Variants in MPDZ observed in about 807,000 individuals in gnomAD.
The protein encoded by MPDZ is multiple PDZ domain protein.
MPDZ carries 234 observed loss-of-function variants against 239.1 expected under a neutral mutation model. That is an observed-to-expected ratio of 0.98 (90% confidence interval 0.88 to 1.09). MPDZ has a LOEUF of 1.09. Among genes scored for constraint, MPDZ ranks in the 50% least tolerant of loss-of-function variants. The pLI, the probability that MPDZ is intolerant of heterozygous loss-of-function variation, is 0.00. For synonymous variants in MPDZ, 1,048 were observed against 881.3 expected, an observed-to-expected ratio of 1.19 and a Z score of -3.35; for missense variants, 3,175 against 2,510.0, an observed-to-expected ratio of 1.26 and a Z score of -5.66.
At chr9:13,186,957 T>G (rs984919308) in intron 17 of MPDZ, among the ~76,000 whole-genome samples, 2 of 152,040 alleles carry the variant, frequency 1.3e-5, no homozygotes, top group African/African-American at 4.8e-5. Flanking sequence ...AAAAACCAAA[T>G]CTCTACATAT....
intron 27 of MPDZ, among the ~76,000 whole-genome samples, chr9:13,141,716 A>G (rs1404708231): frequency 6.6e-6 from 1 of 152,190 alleles, no homozygotes; most frequent in Non-Finnish European, 1.5e-5. Context: ...ATGTAACACT[A>G]GAACTATTTG....
Position 13,162,678 on chromosome 9 carries a change from A to C in MPDZ, c.3359+13T>G. 1 of 1,552,892 alleles carries C rather than the reference A, an allele frequency of 6.4e-7. No individual in the cohort carries two copies. Among genetic ancestry groups the C allele is most frequent in the Non-Finnish European group, 8.9e-7 (1 of 1,126,756 alleles). On this transcript the variant is annotated intron_variant, in intron 23 of 46. Coordinates refer to ENST00000319217, the MANE Select transcript of MPDZ (RefSeq NM_001378778.1). ...TGTACCATTCATTGTATTAGATTTA[A>C]TGTTTCACTTACCTGCCAGTGTATG... is the stretch of plus-strand genomic sequence containing the variant.
intron 3 of MPDZ, among the ~76,000 whole-genome samples, chr9:13,226,077 G>A (rs1960489226): frequency 6.6e-6 from 1 of 151,984 alleles, no homozygotes; most frequent in Non-Finnish European, 1.5e-5. Context: ...GTGGTTTTGT[G>A]TATCCTTATA....
At chr9:13,113,175 G>A (rs1040832328) in intron 41 of MPDZ, 121 bp from the exon 42 acceptor site, 1 of 747,956 alleles carries the variant, frequency 1.3e-6, no homozygotes, top group Non-Finnish European at 2.2e-6. Context: ...TTAAGGGGGT[G>A]CTCAAAGCTG....
At chr9:13,116,286 G>T (rs553255770) in intron 39 of MPDZ, among the ~76,000 whole-genome samples, 1 of 152,268 alleles carries the variant, frequency 6.6e-6, no homozygotes, top group African/African-American at 2.4e-5. Context: ...TTTATTAGCT[G>T]TGTGACTGTA....
intron 27 of MPDZ, among the ~76,000 whole-genome samples, chr9:13,142,448 A>C (rs905546599): frequency 1.3e-5 from 2 of 152,142 alleles, no homozygotes; most frequent in Admixed American, 1.3e-4. Context: ...CTCGTTAGTG[A>C]CACTTTTTAA....
chr9:13,184,852 A>T (rs1039724704), intron 18 of MPDZ, among the ~76,000 whole-genome samples: 13 of 152,018 alleles, frequency 8.6e-5, no homozygotes, highest in African/African-American at 3.1e-4. Context: ...TGACCAGTCC[A>T]AGATTACTTA....
chr9:13,264,957 G>C (rs1971485870), intron 1 of MPDZ, among the ~76,000 whole-genome samples: 1 of 152,128 alleles, frequency 6.6e-6, no homozygotes, highest in Non-Finnish European at 1.5e-5. Context: ...CAGTGTTAAG[G>C]GCCAAGACAC....
intron 3 of MPDZ, among the ~76,000 whole-genome samples, chr9:13,240,944 C>T (rs1453651138): frequency 1.3e-5 from 2 of 152,092 alleles, no homozygotes; most frequent in Non-Finnish European, 2.9e-5. Context: ...CACAAAAATA[C>T]CATACAATTA....
intron 39 of MPDZ, among the ~76,000 whole-genome samples, chr9:13,117,843 C>CTTT (rs201420389): frequency 3.0e-5 from 4 of 131,592 alleles, no homozygotes; most frequent in African/African-American, 5.7e-5. Flanking sequence ...TTCAGATTAG[C>CTTT]TTTTTTTTTT....
chr9:13,237,324 G>A lies in MPDZ; in HGVS notation c.183+10311C>T, dbSNP rs148149897. On this transcript the variant is annotated intron_variant, in intron 3 of 46. Transcript: ENST00000319217. Reference sequence around the variant, plus strand: ...CTAGTGGCACACACCTGTGGTCCCAGCTACTCAGAGGCTGAGGTTGGAGGG... The same window carrying A: ...CTAGTGGCACACACCTGTGGTCCCAACTACTCAGAGGCTGAGGTTGGAGGG... Among the ~76,000 whole-genome samples, 1,425 of 150,418 alleles carry A rather than the reference G, an allele frequency of 9.5e-3. 21 individuals carry two copies. The highest frequency in any genetic ancestry group is 0.024 in the Middle Eastern group (7 of 294).
intron 1 of MPDZ, among the ~76,000 whole-genome samples, chr9:13,270,803 T>G (rs375414810): frequency 6.6e-6 from 1 of 152,164 alleles, no homozygotes; most frequent in African/African-American, 2.4e-5. Context: ...TTGGGGTGTT[T>G]GATGATCTGA....
chr9:13,215,752 G>GTT (rs1236163934), intron 10 of MPDZ, among the ~76,000 whole-genome samples: 4 of 53,680 alleles, frequency 7.5e-5, no homozygotes, highest in African/African-American at 1.1e-4. Flanking sequence ...CTCTATTGCA[G>GTT]GTTTTTTTTT....
rs767397676 is a variant in MPDZ at position 13,119,645 on chromosome 9, C to A, written c.5236G>T (p.Asp1746Tyr). 3 of 1,613,772 alleles carry A rather than the reference C, an allele frequency of 1.9e-6. No homozygotes were observed. In the African/African-American group the frequency reaches 4.0e-5, roughly 22 times the overall value. ...LGLSIVGKRN[D>Y]TGVFVSDIVK... ...ATGTCTGACACAAATACTCCAGTAT[C>A]GTTTCTACACACAATTTTGAATTTC... Residue 1746 changes from aspartate to tyrosine, a missense_variant, in exon 39 of 47, where the codon GAT (aspartate) becomes TAT (tyrosine). By Grantham distance (160) the Asp-to-Tyr change is radical. Transcript: ENST00000319217.
chr9:13,265,906 GCT>G (rs1971695987), intron 1 of MPDZ, among the ~76,000 whole-genome samples: 1 of 152,124 alleles, frequency 6.6e-6, no homozygotes, highest in Non-Finnish European at 1.5e-5. Flanking sequence ...TTACAATCAT[GCT>G]GCTTCAACAT....
chr9:13,216,028 A>G lies in MPDZ; in HGVS notation c.1290+746T>C, dbSNP rs114000748. 4.8e-3 allele frequency among the ~76,000 whole-genome samples: 689 copies of G among 144,168 alleles called. 5 individuals are homozygous for G. The highest frequency in any genetic ancestry group is 0.016 in the African/African-American group (609 of 38,754). The allele number at this position is 144,168 out of a possible 152,430, so 94.6% of individuals were successfully genotyped here. On this transcript the variant is annotated intron_variant, in intron 10 of 46. Coordinates refer to ENST00000319217, the MANE Select transcript of MPDZ (RefSeq NM_001378778.1). The stretch of plus-strand genomic sequence containing the variant: ...CATGAGCCACCAGCTCAGTGAAGAC[A>G]CCCAGCTGTCTTCAATTTTTCTATG...
chr9:13,268,152 T>TTATATATATATA (rs71491605), intron 1 of MPDZ, among the ~76,000 whole-genome samples: 16 of 146,904 alleles, frequency 1.1e-4, no homozygotes, highest in African/African-American at 3.5e-4. Context: ...AAAAGGAAAA[T>TTATATATATATA]TATATATATA....
chr9:13,125,113 C>G, intron 35 of MPDZ, 103 bp downstream of exon 35: 1 of 1,134,140 alleles, frequency 8.8e-7, no homozygotes, highest in Non-Finnish European at 1.2e-6. Context: ...TACAACCTTC[C>G]AAACAGTGAG....
At chr9:13,112,810 T>A (rs1188226338) in intron 42 of MPDZ, among the ~76,000 whole-genome samples, 1 of 152,208 alleles carries the variant, frequency 6.6e-6, no homozygotes, top group Non-Finnish European at 1.5e-5. Flanking sequence ...AAACAGAGCA[T>A]GCAAACAACG....
Sources: allele counts gnomAD v4.1 joint callset (sites outside exome capture counted in the v4.1 genomes callset), GRCh38; gene constraint gnomAD v4.1.1; transcripts MANE v1.5; gene names NCBI Gene and HGNC (gene_info 2026-07-23, HGNC 2026-07-21).